The following GABBR2 variants were observed in gnomAD, a reference collection of about 807,000 sequenced individuals.
GABBR2 encodes the protein G-protein coupled receptor 51.
A neutral mutation model predicts 105.6 loss-of-function variants in GABBR2; 23 were observed. That is an observed-to-expected ratio of 0.22 (90% CI 0.16 to 0.31). The LOEUF (loss-of-function observed/expected upper bound fraction) is 0.31, where lower values mean the gene tolerates loss of function less well. Among genes scored for constraint, GABBR2 ranks in the 10% least tolerant of loss-of-function variants. The pLI is 1.00. For synonymous variants in GABBR2, 478 were observed against 499.7 expected, an observed-to-expected ratio of 0.96 and a Z score of 0.58; for missense variants, 734 against 1,245.5, an observed-to-expected ratio of 0.59 and a Z score of 6.18.
chr9:98,525,678 A>G (rs1827943107), intron 3 of GABBR2, among the ~76,000 whole-genome samples: 1 of 151,392 alleles, frequency 6.6e-6, no homozygotes, highest in Non-Finnish European at 1.5e-5. Flanking sequence ...TAAATCCAAG[A>G]GAAATGAAAA....
At chr9:98,561,687 A>G (rs895520074) in intron 2 of GABBR2, among the ~76,000 whole-genome samples, 1 of 152,214 alleles carries the variant, frequency 6.6e-6, no homozygotes, top group Non-Finnish European at 1.5e-5. Flanking sequence ...GTTTGAATCC[A>G]GCCTGAGCAA....
At chr9:98,428,573 T>C (rs1450882525) in intron 7 of GABBR2, among the ~76,000 whole-genome samples, 1 of 152,186 alleles carries the variant, frequency 6.6e-6, no homozygotes, top group Non-Finnish European at 1.5e-5. Flanking sequence ...CTTGGCCCCA[T>C]GCTCAGCCTT....
chr9:98,485,408 TTTCCTTTTC>T (rs1827022811), intron 4 of GABBR2, among the ~76,000 whole-genome samples: 1 of 151,968 alleles, frequency 6.6e-6, no homozygotes, highest in Non-Finnish European at 1.5e-5. Context: ...CCTGGGTAGC[TTTCCTTTTC>T]TTTTTCTTGA....
chr9:98,295,776 G>A (rs1830371423), intron 17 of GABBR2, among the ~76,000 whole-genome samples: 1 of 152,110 alleles, frequency 6.6e-6, no homozygotes, highest in Non-Finnish European at 1.5e-5. Context: ...CGCCCACTTT[G>A]GCCTCCCAAA....
intron 1 of GABBR2, among the ~76,000 whole-genome samples, chr9:98,630,162 C>A (rs1008661881): frequency 1.3e-5 from 2 of 152,052 alleles, no homozygotes; most frequent in Admixed American, 1.3e-4. Flanking sequence ...CAAGGGTATC[C>A]AGATACCCTG....
In GABBR2 at chr9:98,288,901, C is replaced by A. The variant is rs1401211570; in HGVS notation, c.*1683G>T. 6.6e-6 allele frequency: 1 copy of A among 152,662 alleles called. No homozygotes were observed. The highest frequency in any genetic ancestry group is 1.5e-5 in the Non-Finnish European group (1 of 68,074). The allele number at this position is 152,662 out of a possible 1,614,324, so 9.5% of individuals were successfully genotyped here. A position where few individuals can be genotyped will look rare whatever the true frequency, so the allele number is the denominator to read the frequency against. Reference sequence around the variant, plus strand: ...GGTGGAGAAAACAGTTTATTCCTGACTGCAGTGGTTCTGGGAAGAGATTAT... The same window carrying A: ...GGTGGAGAAAACAGTTTATTCCTGAATGCAGTGGTTCTGGGAAGAGATTAT... On this transcript the variant is annotated 3_prime_UTR_variant, in exon 19 of 19. Coordinates refer to ENST00000259455, the MANE Select transcript of GABBR2 (RefSeq NM_005458.8).
chr9:98,404,053 A>C (rs2039516971), intron 8 of GABBR2, among the ~76,000 whole-genome samples: 2 of 152,088 alleles, frequency 1.3e-5, no homozygotes, highest in South Asian at 4.1e-4. Flanking sequence ...CTGGTGTTTA[A>C]ACCTAACGTA....
intron 1 of GABBR2, among the ~76,000 whole-genome samples, chr9:98,621,011 A>C (rs927781026): frequency 2.6e-5 from 4 of 152,214 alleles, no homozygotes; most frequent in African/African-American, 4.8e-5. Context: ...GTGGGGGAAA[A>C]AAAAGCTATT....
intron 2 of GABBR2, among the ~76,000 whole-genome samples, chr9:98,542,261 A>T (rs143494150): frequency 1.3e-5 from 2 of 152,310 alleles, no homozygotes; most frequent in East Asian, 3.9e-4. Context: ...AAAATAGCCA[A>T]TGATCTACCC....
intron 4 of GABBR2, among the ~76,000 whole-genome samples, chr9:98,492,682 G>T (rs1305679145): frequency 6.6e-6 from 1 of 152,088 alleles, no homozygotes; most frequent in Non-Finnish European, 1.5e-5. Context: ...TAGACAGTTT[G>T]GGGGAGTATT....
At position 98,473,279 on chromosome 9, in the gene GABBR2, C is replaced by A; in HGVS notation, c.866G>T (p.Trp289Leu). The change falls in exon 6 of 19, where the codon TGG becomes TTG. Residue 289 changes from tryptophan (W) to leucine (L), a missense_variant. By Grantham distance (61) the Trp-to-Leu change is moderately conservative. This residue lies in a region of GABBR2 where 370 missense variants were observed against 648.9 expected (regional missense o/e 0.57). Coordinates refer to ENST00000259455, the MANE Select transcript of GABBR2 (RefSeq NM_005458.8). The stretch of plus-strand genomic sequence containing the variant: ...GGCTTCCGTGTGCACCTGCTCCCAC[C>A]AAGAAGGCTCGTACCAGCCCGGAAT... ...WIIPGWYEPSWWEQVHTEANS... is the reference protein window; with the variant it reads ...WIIPGWYEPSLWEQVHTEANS... The A allele has an allele frequency of 6.2e-7, 1 of 1,613,610 alleles. No individual in the cohort carries two copies. The highest frequency in any genetic ancestry group is 1.7e-5 in the Admixed American group (1 of 60,004).
rs568891992 is a variant in GABBR2, at chr9:98,389,907, G to A, written c.1379-903C>T. Among the ~76,000 whole-genome samples, 5 of 152,176 alleles carry A rather than the reference G, an allele frequency of 3.3e-5. No individual in the cohort carries two copies. In the South Asian group the frequency reaches 8.3e-4, roughly 25 times the overall value. On this transcript the variant is annotated intron_variant, in intron 9 of 18. Coordinates refer to ENST00000259455, the MANE Select transcript of GABBR2 (RefSeq NM_005458.8). ...CCAGTAGGGGTATGTGGAATCAGCCGGATGTTACAAAGTAGCCAAGCCTGG... is the reference window on the plus strand; with the variant it reads ...CCAGTAGGGGTATGTGGAATCAGCCAGATGTTACAAAGTAGCCAAGCCTGG...
intron 7 of GABBR2, among the ~76,000 whole-genome samples, chr9:98,428,472 C>T (rs12378676): frequency 0.26 from 40,150 of 152,084 alleles, 6,188 homozygotes; most frequent in Middle Eastern, 0.36. Context: ...CAGGGGATGT[C>T]ATCATGGGAT....
At chr9:98,477,893 C>T (rs1055558742) in intron 5 of GABBR2, among the ~76,000 whole-genome samples, 1 of 152,112 alleles carries the variant, frequency 6.6e-6, no homozygotes, top group Admixed American at 6.5e-5. Context: ...ATGAAGCAGA[C>T]AGGGTACGGA....
chr9:98,449,817 C>T (rs995954219), intron 7 of GABBR2, among the ~76,000 whole-genome samples: 1 of 152,152 alleles, frequency 6.6e-6, no homozygotes, highest in Non-Finnish European at 1.5e-5. Context: ...GACTTCTAAA[C>T]CATGGAGGGC....
intron 4 of GABBR2, among the ~76,000 whole-genome samples, chr9:98,486,741 G>A (rs574577476): frequency 5.3e-5 from 8 of 152,294 alleles, no homozygotes; most frequent in South Asian, 2.1e-4. Context: ...CTGGGCCAGC[G>A]GGCACTGCCT....
At chr9:98,645,705 T>C (rs963579011) in intron 1 of GABBR2, among the ~76,000 whole-genome samples, 6 of 152,170 alleles carry the variant, frequency 3.9e-5, no homozygotes, top group African/African-American at 7.2e-5. Context: ...AGGAGTACAG[T>C]TCCTTTGGGA....
At chr9:98,394,068 G>A (rs748143500) in intron 9 of GABBR2, 107 bp downstream of exon 9, 13 of 767,566 alleles carry the variant, frequency 1.7e-5, no homozygotes, top group Non-Finnish European at 2.5e-5. Flanking sequence ...ATGTTCCCTT[G>A]ACCCCCTGAA....
chr9:98,541,260 C>T (rs1392956073), intron 3 of GABBR2, among the ~76,000 whole-genome samples: 1 of 152,136 alleles, frequency 6.6e-6, no homozygotes. Flanking sequence ...GCAGATGAAC[C>T]CCTAAGTGAA....
Sources: gnomAD v4.1 joint callset for allele counts (sites outside exome capture counted in the v4.1 genomes callset) on GRCh38, gnomAD v4.1.1 for gene constraint, gnomAD v4.1.1 regional missense constraint, MANE v1.5 for transcripts, NCBI Gene and HGNC (gene_info 2026-07-23, HGNC 2026-07-21) for gene names.